Variants in TNPO3 observed in about 807,000 individuals in gnomAD.
TNPO3 encodes transportin-3.
In TNPO3, 65 loss-of-function variants were observed where a neutral mutation model predicts 122.8. The observed-to-expected ratio is 0.53, with a 90% CI of 0.43 to 0.65. The LOEUF is 0.65. Ranked by LOEUF, TNPO3 falls within the 30% of genes least tolerant of loss-of-function variation. TNPO3 has a pLI of 0.00. For synonymous variants in TNPO3, 372 were observed against 411.2 expected (o/e 0.90, Z 1.15); for missense variants, 850 against 1,136.7 (o/e 0.75, Z 3.63).
chr7:129,054,917 G>T lies in TNPO3; in HGVS notation c.-147C>A. On this transcript the variant is annotated 5_prime_UTR_variant, in exon 1 of 23. The change creates a new upstream start codon in the 5' untranslated region. Transcript: ENST00000265388. ...CTCCTCTTTGGCCGTTACCAGGGCA[G>T]AAGGCTCTCCGTGGAAGTTGCCCCC... is the stretch of plus-strand genomic sequence containing the variant. 1 of 1,097,582 alleles carries T rather than the reference G, an allele frequency of 9.1e-7. No homozygotes were observed. Among genetic ancestry groups the T allele is most frequent in the Non-Finnish European group, 1.3e-6 (1 of 771,582 alleles). The allele number at this position is 1,097,582 out of a possible 1,614,324, so 68.0% of individuals were successfully genotyped here.
chr7:129,005,169 GA>G lies in TNPO3; in HGVS notation c.553-11del. ...TTTCTACACAGGTCATCTGAATAGA[GA>G]AAAAAACTTAAAATGAATAATGTTA... On this transcript the variant is annotated splice_polypyrimidine_tract_variant and intron_variant, in intron 4 of 22. Coordinates refer to ENST00000265388, the MANE Select transcript of TNPO3 (RefSeq NM_012470.4). The G allele has an allele frequency of 6.2e-7, 1 of 1,603,976 alleles. No individual in the cohort carries two copies. The highest frequency in any genetic ancestry group is 8.5e-7 in the Non-Finnish European group (1 of 1,175,570).
rs55683535 is a variant in TNPO3, at chr7:128,958,137, C to CTTTTTTTTTTTTTT, written c.2712-836_2712-823dup. 9.4e-5 allele frequency among the ~76,000 whole-genome samples: 9 copies of CTTTTTTTTTTTTTT among 96,220 alleles called. 1 individual carries two copies. The highest frequency in any genetic ancestry group is 1.6e-4 in the Non-Finnish European group (8 of 51,510). 63.1% of individuals were successfully genotyped at this position (96,220 alleles called of 152,430 possible). ...AAAGCAGTGGAGAAGGAAGCACTTCCTTTTTTTTTTTTTTTTTTTTTTTGA... is the reference window on the plus strand; with the variant it reads ...AAAGCAGTGGAGAAGGAAGCACTTCCTTTTTTTTTTTTTTTTTTTTTTTTTTTTTTTTTTTTTGA... On this transcript the variant is annotated intron_variant, in intron 21 of 22. Transcript: ENST00000265388.
At chr7:128,989,073 T>C (rs1800480905) in intron 11 of TNPO3, among the ~76,000 whole-genome samples, 1 of 151,880 alleles carries the variant, frequency 6.6e-6, no homozygotes, top group Admixed American at 6.6e-5. Flanking sequence ...CGAGACTCTA[T>C]CTCAAAACAA....
chr7:128,969,903 T>C lies in TNPO3; in HGVS notation c.2598+245A>G, dbSNP rs143326920. ...ACAGCCACACAACTGAATTCAATGC[T>C]TGATACTTACTTCTGGTAATATACC... is the stretch of plus-strand genomic sequence containing the variant. On this transcript the variant is annotated intron_variant, in intron 20 of 22. Transcript: ENST00000265388. Among the ~76,000 whole-genome samples the C allele has an allele frequency of 5.0e-3, 759 of 152,342 alleles. 5 individuals are homozygous for C. The highest frequency in any genetic ancestry group is 5.3e-3 in the Non-Finnish European group (361 of 68,026).
At chr7:129,044,052 A>T (rs1807726009) in intron 1 of TNPO3, among the ~76,000 whole-genome samples, 1 of 152,234 alleles carries the variant, frequency 6.6e-6, no homozygotes, top group African/African-American at 2.4e-5. Flanking sequence ...AAACTTACAT[A>T]AATGTAATAT....
chr7:129,024,543 G>C (rs1804885876), intron 1 of TNPO3, among the ~76,000 whole-genome samples: 1 of 152,134 alleles, frequency 6.6e-6, no homozygotes, highest in African/African-American at 2.4e-5. Context: ...AACACTATAT[G>C]CCTCTTGATG....
intron 1 of TNPO3, 68 bp downstream of exon 1, chr7:129,054,583 T>G (rs1489757092): frequency 6.3e-7 from 1 of 1,594,044 alleles, no homozygotes; most frequent in African/African-American, 1.3e-5. Flanking sequence ...GCTCAGGTTC[T>G]CCCCCGGAGC....
rs1167213608 is a variant in TNPO3, at chr7:128,986,663, CAGATGTA to C, written c.1690+59_1690+65del. ...TTGCAACTGAAAAACTGGGATATGA[CAGATGTA>C]AGATTACCCCAGGTAGTGGCTTTGA... On this transcript the variant is annotated intron_variant, in intron 12 of 22. Coordinates refer to ENST00000265388, the MANE Select transcript of TNPO3 (RefSeq NM_012470.4). 10 of 1,432,620 alleles carry C rather than the reference CAGATGTA, an allele frequency of 7.0e-6. No individual in the cohort carries two copies. In the South Asian group the frequency reaches 1.4e-4, roughly 20 times the overall value. 88.7% of individuals were successfully genotyped at this position (1,432,620 alleles called of 1,614,324 possible). A position where few individuals can be genotyped will look rare whatever the true frequency, so the allele number is the denominator to read the frequency against.
rs867633564 is a variant in TNPO3 at position 129,054,582 on chromosome 7, C to T, written c.120+69G>A. On this transcript the variant is annotated intron_variant, in intron 1 of 22. Transcript: ENST00000265388. ...CGAGGTCAACTGCCGGGCTCAGGTT[C>T]TCCCCCGGAGCCTAGGTTCCACCCC... 17 of 1,594,144 alleles carry T rather than the reference C, an allele frequency of 1.1e-5. No individual in the cohort carries two copies. In the Middle Eastern group the frequency reaches 3.2e-3, roughly 300 times the overall value.
At chr7:128,983,877 C>T (rs547268813) in intron 13 of TNPO3, among the ~76,000 whole-genome samples, 4 of 152,316 alleles carry the variant, frequency 2.6e-5, no homozygotes, top group African/African-American at 7.2e-5. Context: ...CAGAACTCCT[C>T]GAGACTGGGT....
chr7:129,010,971 T>C (rs570786253), intron 4 of TNPO3, among the ~76,000 whole-genome samples: 1 of 152,242 alleles, frequency 6.6e-6, no homozygotes, highest in South Asian at 2.1e-4. Flanking sequence ...CAGAAAATTA[T>C]CTGAGTGCCC....
chr7:129,045,319 C>T (rs771265952), intron 1 of TNPO3, among the ~76,000 whole-genome samples: 1 of 151,992 alleles, frequency 6.6e-6, no homozygotes, highest in Non-Finnish European at 1.5e-5. Context: ...TGTAATACCA[C>T]TGAACTGCAC....
In TNPO3 at chr7:129,001,116, C is replaced by G; in HGVS notation, c.815G>C (p.Gly272Ala). ...NLPLAMQLFQ[G>A]VLTLETAYHM... ...ATAGGCAGTCTCCAATGTCAGCACT[C>G]CCTGAAAAAGTTGCATGGCTAATGG... Residue 272 changes from glycine to alanine, a missense_variant, in exon 6 of 23, where the codon GGA (glycine) becomes GCA (alanine). Physicochemically the swap from Gly to Ala is moderately conservative, Grantham distance 60 (BLOSUM62 0). Coordinates refer to ENST00000265388, the MANE Select transcript of TNPO3 (RefSeq NM_012470.4). 1 of 1,614,138 alleles carries G rather than the reference C, an allele frequency of 6.2e-7. No individual in the cohort carries two copies. The highest frequency in any genetic ancestry group is 8.5e-7 in the Non-Finnish European group (1 of 1,180,006).
In TNPO3 at chr7:128,955,089, TTTTTTTC is replaced by T; in HGVS notation, c.*321_*327del. On this transcript the variant is annotated 3_prime_UTR_variant, in exon 23 of 23. Coordinates refer to ENST00000265388, the MANE Select transcript of TNPO3 (RefSeq NM_012470.4). ...GTTCTGGTTTCTGTTTAGTCTTCCTTTTTTTTCTTTTTTCTTTACTTAAAATTATTTT... is the reference window on the plus strand; with the variant it reads ...GTTCTGGTTTCTGTTTAGTCTTCCTTTTTTTTCTTTACTTAAAATTATTTT... 3.1e-6 allele frequency: 1 copy of T among 327,838 alleles called. No homozygotes were observed. Among genetic ancestry groups the T allele is most frequent in the South Asian group, 2.3e-5 (1 of 42,684 alleles). 20.3% of individuals were successfully genotyped at this position (327,838 alleles called of 1,614,324 possible).
intron 1 of TNPO3, among the ~76,000 whole-genome samples, chr7:129,036,350 G>T (rs1336734580): frequency 6.6e-6 from 1 of 151,990 alleles, no homozygotes; most frequent in African/African-American, 2.4e-5. Flanking sequence ...CTGTGTAGCT[G>T]GGGCTACAGG....
intron 13 of TNPO3, among the ~76,000 whole-genome samples, 160 bp downstream of exon 13, chr7:128,984,008 G>A (rs1413611575): frequency 2.6e-5 from 4 of 152,162 alleles, no homozygotes; most frequent in African/African-American, 9.7e-5. Context: ...AATATTTATT[G>A]TATGCAGCTA....
rs530081479 is a variant in TNPO3 at position 129,048,739 on chromosome 7, G to A, written c.120+5912C>T. Among the ~76,000 whole-genome samples, 124 of 152,158 alleles carry A rather than the reference G, an allele frequency of 8.1e-4. 2 individuals carry two copies. The highest frequency in any genetic ancestry group is 2.8e-3 in the African/African-American group (117 of 41,520). On this transcript the variant is annotated intron_variant, in intron 1 of 22. Coordinates refer to ENST00000265388, the MANE Select transcript of TNPO3 (RefSeq NM_012470.4). The stretch of plus-strand genomic sequence containing the variant: ...TTTTTAACCATGTATATGGTGAAAA[G>A]TGACAGCAAAAATAAATAAAACTCG...
In TNPO3 at chr7:129,000,506, A is replaced by T. The variant is rs148527094; in HGVS notation, c.934T>A (p.Cys312Ser). 2 of 1,614,050 alleles carry T rather than the reference A, an allele frequency of 1.2e-6. No homozygotes were observed. Among genetic ancestry groups the T allele is most frequent in the Non-Finnish European group, 1.7e-6 (2 of 1,180,024 alleles). The change falls in exon 7 of 23, where the codon TGT (cysteine) becomes AGT (serine). Residue 312 changes from cysteine (C) to serine (S), a missense_variant. By Grantham distance (112) the Cys-to-Ser change is moderately radical. Coordinates refer to ENST00000265388, the MANE Select transcript of TNPO3 (RefSeq NM_012470.4). ...LCETFLEKIVCTPGQGLGDLR... is the reference protein window; with the variant it reads ...LCETFLEKIVSTPGQGLGDLR... The stretch of plus-strand genomic sequence containing the variant: ...TCCCCAAGACCTTGGCCTGGAGTAC[A>T]AACAATTTTTTCAAGAAAAGTTTCA...
At position 128,954,290 on chromosome 7, in the gene TNPO3, G is replaced by A. The variant is rs1796710318; in HGVS notation, c.*1127C>T. The A allele has an allele frequency of 6.6e-6, 1 of 152,154 alleles. No homozygotes were observed. Among genetic ancestry groups the A allele is most frequent in the Non-Finnish European group, 1.5e-5 (1 of 68,028 alleles). The allele number at this position is 152,154 out of a possible 1,614,324, so 9.4% of individuals were successfully genotyped here. ...GCCCTCATATCTGATGGCTGTGAAG[G>A]GCTGCACTCCTTTGAAACATTAAGA... On this transcript the variant is annotated 3_prime_UTR_variant, in exon 23 of 23. Transcript: ENST00000265388.
Sources: allele counts gnomAD v4.1 joint callset (sites outside exome capture counted in the v4.1 genomes callset), GRCh38; gene constraint gnomAD v4.1.1; transcripts MANE v1.5; gene names NCBI Gene and HGNC (gene_info 2026-07-23, HGNC 2026-07-21).